Variants in ABCA9 observed in about 807,000 individuals in gnomAD.
ABCA9 encodes ATP-binding cassette sub-family A member 9.
A neutral mutation model predicts 205.3 loss-of-function variants in ABCA9; 183 were observed. The ratio of observed to expected loss-of-function variants is 0.89; its 90% CI spans 0.79 to 1.01. ABCA9 has a LOEUF of 1.01. Ranked by LOEUF, ABCA9 falls within the 50% of genes least tolerant of loss-of-function variation. The probability of loss-of-function intolerance (pLI) is 0.00; values close to 1 mark genes in which losing one functional copy is unlikely to be tolerated. For missense variants in ABCA9, 1,805 were observed against 1,912.4 expected, an observed-to-expected ratio of 0.94 and a Z score of 1.05; for synonymous variants, 651 against 683.3, an observed-to-expected ratio of 0.95 and a Z score of 0.74.
upstream of ABCA9, among the ~76,000 whole-genome samples, chr17:69,062,812 G>A (rs7217543): frequency 0.47 from 71,638 of 152,020 alleles, 19,981 homozygotes; most frequent in Non-Finnish European, 0.62. Flanking sequence ...TGCGCCCGAC[G>A]TATTTACTCT....
At position 68,989,015 on chromosome 17, in the gene ABCA9, C is replaced by G; in HGVS notation, c.4047+12G>C. 1 of 1,559,246 alleles carries G rather than the reference C, an allele frequency of 6.4e-7. No individual in the cohort carries two copies. The highest frequency in any genetic ancestry group is 1.1e-5 in the South Asian group (1 of 89,438). ...TAGCACTAATGACCATATTCCTGTA[C>G]GTTTTACTGACCTGTCCTGCAGTTG... On this transcript the variant is annotated intron_variant, in intron 31 of 38. Coordinates refer to ENST00000340001, the MANE Select transcript of ABCA9 (RefSeq NM_080283.4).
At chr17:69,011,620 G>C (rs1247576252) in intron 23 of ABCA9, among the ~76,000 whole-genome samples, 1 of 152,120 alleles carries the variant, frequency 6.6e-6, no homozygotes, top group Non-Finnish European at 1.5e-5. Flanking sequence ...GAGTTGGTCA[G>C]GGCTTTTAAA....
At chr17:68,996,075 T>C in intron 25 of ABCA9, 61 bp from the exon 26 acceptor site, 1 of 1,548,768 alleles carries the variant, frequency 6.5e-7, no homozygotes, top group African/African-American at 1.4e-5. Flanking sequence ...TAGGATGTTT[T>C]CTAAGAGGGT....
rs761399742 is a variant in ABCA9 at position 68,982,625 on chromosome 17, C to T, written c.4657G>A (p.Val1553Ile). The change falls in exon 37 of 39, where the codon GTC becomes ATC. Residue 1553 changes from valine (V) to isoleucine (I), a missense_variant. Transcript: ENST00000340001. ...ACATCCTCAACAGGCAACTTATAGA[C>T]CATCAGGGAGGAGAACCTGCGAAGA... ...AQQERFSSLMVYKLPVEDVRP... is the reference protein window; with the variant it reads ...AQQERFSSLMIYKLPVEDVRP... 18 of 1,613,852 alleles carry T rather than the reference C, an allele frequency of 1.1e-5. No individual in the cohort carries two copies. Among genetic ancestry groups the T allele is most frequent in the Non-Finnish European group, 1.5e-5 (18 of 1,179,888 alleles).
At chr17:69,005,118 G>C (rs1006680778) in intron 25 of ABCA9, among the ~76,000 whole-genome samples, 6 of 152,206 alleles carry the variant, frequency 3.9e-5, no homozygotes, top group African/African-American at 7.2e-5. Context: ...GACCGGAGCT[G>C]TTCCTATTCG....
chr17:69,031,443 T>A (rs762507300), intron 10 of ABCA9, among the ~76,000 whole-genome samples: 1 of 152,200 alleles, frequency 6.6e-6, no homozygotes, highest in Non-Finnish European at 1.5e-5. Flanking sequence ...CTGAAAGAGA[T>A]ATATCAGAAA....
At chr17:69,078,268 A>G in the ABCA9 span, among the ~76,000 whole-genome samples, 1 of 150,424 alleles carries the variant, frequency 6.6e-6, no homozygotes, top group Non-Finnish European at 1.5e-5. Context: ...GCACTAGCAC[A>G]TGGCTCACTG....
chr17:68,996,317 T>G (rs2069623185), intron 25 of ABCA9, among the ~76,000 whole-genome samples: 1 of 152,222 alleles, frequency 6.6e-6, no homozygotes, highest in African/African-American at 2.4e-5. Context: ...TTACTCTGCA[T>G]TTTTCTTTTT....
chr17:68,993,237 G>C (rs574416356), intron 26 of ABCA9, among the ~76,000 whole-genome samples, 153 bp from the exon 27 acceptor site: 1 of 152,344 alleles, frequency 6.6e-6, no homozygotes, highest in African/African-American at 2.4e-5. Flanking sequence ...ATTTCGGACT[G>C]TGCAGTATGT....
intron 2 of ABCA9, 53 bp downstream of exon 2, chr17:69,050,978 T>C (rs2071883652): frequency 3.9e-6 from 6 of 1,528,116 alleles, no homozygotes; most frequent in African/African-American, 2.7e-5. Context: ...TGTTGCCTGA[T>C]AAAATACTTT....
Position 69,035,318 on chromosome 17 carries a change from T to G in ABCA9, c.1056A>C (p.Thr352=). The change falls in exon 8 of 39, where the codon ACA becomes ACC. Residue 352 remains threonine, a synonymous_variant. Coordinates refer to ENST00000340001, the MANE Select transcript of ABCA9 (RefSeq NM_080283.4). ...WGILGFPALY[T]RLPAFLEWTL... ...TCCATTCCAAAAATGCAGGAAGACG[T>G]GTATACAATGCTGGGAATCCCAGGA... is the stretch of plus-strand genomic sequence containing the variant. 6.2e-7 allele frequency: 1 copy of G among 1,609,258 alleles called. No homozygotes were observed. Among genetic ancestry groups the G allele is most frequent in the African/African-American group, 1.3e-5 (1 of 74,816 alleles).
intron 1 of ABCA9, among the ~76,000 whole-genome samples, chr17:69,059,769 T>C (rs773948240): frequency 6.6e-6 from 1 of 151,874 alleles, no homozygotes; most frequent in Non-Finnish European, 1.5e-5. Flanking sequence ...CAGGAAGACA[T>C]TGCTGGACAT....
rs150126480 is a variant in ABCA9 at position 69,036,749 on chromosome 17, C to T, written c.801-948G>A. ...ACACAGATGCCAGTATCCAATTTGCCGAATTGGATAAAGAGTCAAGACCCA... is the reference window on the plus strand; with the variant it reads ...ACACAGATGCCAGTATCCAATTTGCTGAATTGGATAAAGAGTCAAGACCCA... On this transcript the variant is annotated intron_variant, in intron 6 of 38. Transcript: ENST00000340001. Among the ~76,000 whole-genome samples, 208 of 150,872 alleles carry T rather than the reference C, an allele frequency of 1.4e-3. 3 individuals carry two copies. In the South Asian group the frequency reaches 0.017, roughly 13 times the overall value.
rs376156410 is a variant in ABCA9 at position 69,008,016 on chromosome 17, T to C, written c.3321+46A>G. 3 of 1,537,058 alleles carry C rather than the reference T, an allele frequency of 2.0e-6. No individual in the cohort carries two copies. The South Asian group carries it at 3.5e-5, about 18-fold the overall frequency. On this transcript the variant is annotated intron_variant, in intron 24 of 38. Transcript: ENST00000340001. Reference sequence around the variant, plus strand: ...AAGATTAATGATATTACTGCATTCATGAAAAAATAGTCTAATAAAACCATT... The same window carrying C: ...AAGATTAATGATATTACTGCATTCACGAAAAAATAGTCTAATAAAACCATT...
intron 5 of ABCA9, 72 bp downstream of exon 5, chr17:69,044,425 G>T: frequency 7.9e-7 from 1 of 1,273,074 alleles, no homozygotes; most frequent in Non-Finnish European, 1.1e-6. Context: ...GATAGAATAG[G>T]ATAATCCATT....
intron 26 of ABCA9, among the ~76,000 whole-genome samples, chr17:68,993,438 C>T (rs910582492): frequency 1.3e-5 from 2 of 152,208 alleles, no homozygotes; most frequent in Non-Finnish European, 2.9e-5. Context: ...TGTGCTCTTC[C>T]CTCGATTATG....
intron 1 of ABCA9, among the ~76,000 whole-genome samples, chr17:69,051,977 C>T (rs528498702): frequency 6.6e-6 from 1 of 152,168 alleles, no homozygotes; most frequent in South Asian, 2.1e-4. Context: ...AAATAAGTAA[C>T]CAAAACAAGA....
chr17:68,988,823 A>C (rs1299263096), intron 31 of ABCA9, among the ~76,000 whole-genome samples: 1 of 152,212 alleles, frequency 6.6e-6, no homozygotes, highest in African/African-American at 2.4e-5. Context: ...TTTTTCACTC[A>C]ATAAAAGGCA....
the ABCA9 span, among the ~76,000 whole-genome samples, chr17:69,070,297 C>T: frequency 4.1e-4 from 62 of 152,112 alleles, no homozygotes; most frequent in African/African-American, 1.2e-3. Flanking sequence ...ATGCAGCTCC[C>T]GGGCAAGATG....
Sources: allele counts gnomAD v4.1 joint callset (sites outside exome capture counted in the v4.1 genomes callset), GRCh38; gene constraint gnomAD v4.1.1; transcripts MANE v1.5; gene names NCBI Gene and HGNC (gene_info 2026-07-23, HGNC 2026-07-21).